The following NKAIN2 variants were observed in gnomAD, a reference collection of about 807,000 sequenced individuals.
The protein encoded by NKAIN2 is sodium/potassium-transporting ATPase subunit beta-1-interacting protein 2.
Under a neutral mutation model 32.6 loss-of-function variants are expected in NKAIN2, and 14 were observed. The observed-to-expected ratio is 0.43, with a 90% CI of 0.28 to 0.67. The LOEUF is 0.67. NKAIN2 is among the 30% of genes least tolerant of loss of function. The pLI, the probability that NKAIN2 is intolerant of heterozygous loss-of-function variation, is 0.17. For synonymous variants in NKAIN2, 80 were observed against 87.2 expected, an observed-to-expected ratio of 0.92 and a Z score of 0.46; for missense variants, 198 against 258.3, an observed-to-expected ratio of 0.77 and a Z score of 1.60.
At chr6:124,714,391 G>T (rs902969423) in intron 4 of NKAIN2, among the ~76,000 whole-genome samples, 6 of 152,186 alleles carry the variant, frequency 3.9e-5, no homozygotes, top group African/African-American at 1.4e-4. Context: ...TTATTTTCAA[G>T]GTTCCAATAA....
chr6:124,547,126 T>C (rs1028596946), intron 3 of NKAIN2, among the ~76,000 whole-genome samples: 4 of 152,206 alleles, frequency 2.6e-5, no homozygotes, highest in African/African-American at 9.6e-5. Context: ...CAGTTCCTTT[T>C]GGAATTAATT....
At chr6:123,866,398 C>T (rs1772514115) in intron 1 of NKAIN2, among the ~76,000 whole-genome samples, 1 of 152,148 alleles carries the variant, frequency 6.6e-6, no homozygotes, top group Non-Finnish European at 1.5e-5. Flanking sequence ...TCTAAGGAAA[C>T]AAGCTAGGAT....
At chr6:124,698,585 G>A (rs1473840969) in intron 4 of NKAIN2, among the ~76,000 whole-genome samples, 4 of 152,130 alleles carry the variant, frequency 2.6e-5, no homozygotes, top group Admixed American at 1.3e-4. Context: ...ATTTACAACC[G>A]ACTTACAATC....
At chr6:124,204,287 T>C (rs1049206439) in intron 1 of NKAIN2, among the ~76,000 whole-genome samples, 1 of 151,864 alleles carries the variant, frequency 6.6e-6, no homozygotes. Flanking sequence ...TTATTGAAAT[T>C]TGGTATAGGA....
At chr6:124,734,458 C>T (rs571026776) in intron 4 of NKAIN2, among the ~76,000 whole-genome samples, 2 of 133,768 alleles carry the variant, frequency 1.5e-5, no homozygotes, top group Admixed American at 1.6e-4. Flanking sequence ...TTTAAATGGT[C>T]CCTTACTACC....
intron 1 of NKAIN2, among the ~76,000 whole-genome samples, chr6:124,113,593 A>G (rs924821593): frequency 3.8e-4 from 58 of 152,230 alleles, no homozygotes; most frequent in African/African-American, 1.4e-3. Context: ...CTAGCAAGGC[A>G]AAGGCCAGTT....
At chr6:124,205,549 C>T (rs369594993) in intron 1 of NKAIN2, among the ~76,000 whole-genome samples, 1 of 151,484 alleles carries the variant, frequency 6.6e-6, no homozygotes, top group African/African-American at 2.4e-5. Context: ...TATCCTTTTA[C>T]CCAGTCATCA....
chr6:124,319,907 T>C (rs1481366673), intron 2 of NKAIN2, among the ~76,000 whole-genome samples: 2 of 152,138 alleles, frequency 1.3e-5, no homozygotes, highest in Non-Finnish European at 2.9e-5. Context: ...ATCATCCAGA[T>C]CATCAGGCAG....
chr6:123,968,983 G>A (rs1427265483), intron 1 of NKAIN2, among the ~76,000 whole-genome samples: 1 of 152,080 alleles, frequency 6.6e-6, no homozygotes, highest in Admixed American at 6.6e-5. Context: ...CTACTCTTCT[G>A]TAGTTTCCTC....
intron 1 of NKAIN2, among the ~76,000 whole-genome samples, chr6:123,821,079 T>A (rs1311709169): frequency 6.6e-6 from 1 of 152,232 alleles, no homozygotes; most frequent in Non-Finnish European, 1.5e-5. Context: ...GGGCTGTTGC[T>A]ATTGTGTTTT....
At chr6:124,491,730 T>C (rs1777870546) in intron 3 of NKAIN2, among the ~76,000 whole-genome samples, 1 of 151,876 alleles carries the variant, frequency 6.6e-6, no homozygotes, top group South Asian at 2.1e-4. Flanking sequence ...CTAGGTAAGT[T>C]GATACGATGT....
chr6:124,603,321 T>C (rs1487935686), intron 3 of NKAIN2, among the ~76,000 whole-genome samples: 2 of 151,984 alleles, frequency 1.3e-5, no homozygotes, highest in African/African-American at 4.8e-5. Flanking sequence ...TATTCTCATA[T>C]TTCTACTGTC....
intron 3 of NKAIN2, among the ~76,000 whole-genome samples, chr6:124,443,138 C>G (rs1775758225): frequency 6.6e-6 from 1 of 151,998 alleles, no homozygotes; most frequent in Non-Finnish European, 1.5e-5. Flanking sequence ...TGTCAGAGAC[C>G]ATTAGACCCC....
At chr6:124,266,724 A>G (rs1304900687) in intron 1 of NKAIN2, among the ~76,000 whole-genome samples, 1 of 152,244 alleles carries the variant, frequency 6.6e-6, no homozygotes, top group African/African-American at 2.4e-5. Context: ...GTTGCTTAGC[A>G]TAGTGAGGTA....
intron 1 of NKAIN2, among the ~76,000 whole-genome samples, chr6:124,149,191 A>G (rs1161811540): frequency 6.6e-6 from 1 of 152,078 alleles, no homozygotes; most frequent in African/African-American, 2.4e-5. Context: ...AGGGTGTTTT[A>G]TATATTCTGA....
At chr6:124,433,305 C>G (rs1460002834) in intron 3 of NKAIN2, among the ~76,000 whole-genome samples, 1 of 152,144 alleles carries the variant, frequency 6.6e-6, no homozygotes, top group East Asian at 1.9e-4. Flanking sequence ...GAAAAGAAAG[C>G]TAATGCTGTG....
chr6:124,557,725 G>T (rs1042061948), intron 3 of NKAIN2, among the ~76,000 whole-genome samples: 1 of 152,126 alleles, frequency 6.6e-6, no homozygotes, highest in Non-Finnish European at 1.5e-5. Context: ...CATAATTTAC[G>T]ATGCCTGACT....
intron 5 of NKAIN2, among the ~76,000 whole-genome samples, chr6:124,803,213 A>G (rs1780346782): frequency 6.6e-6 from 1 of 152,234 alleles, no homozygotes; most frequent in Non-Finnish European, 1.5e-5. Context: ...TCTATCAAAT[A>G]GAAACTTGAT....
At position 124,730,206 on chromosome 6, in the gene NKAIN2, C is replaced by A. The variant is rs1232493922; in HGVS notation, c.475-61133C>A. Among the ~76,000 whole-genome samples, 41 of 91,000 alleles carry A rather than the reference C, an allele frequency of 4.5e-4. 13 individuals carry two copies. In the East Asian group the frequency reaches 0.015, roughly 33 times the overall value. The allele number at this position is 91,000 out of a possible 152,430, so 59.7% of individuals were successfully genotyped here. A position where few individuals can be genotyped will look rare whatever the true frequency, so the allele number is the denominator to read the frequency against. ...CCTTTTTTCACAGAATTGGAAAAAA[C>A]TACTTTAAAGTTCATATGGAACCAA... On this transcript the variant is annotated intron_variant, in intron 4 of 6. Coordinates refer to ENST00000368417, the MANE Select transcript of NKAIN2 (RefSeq NM_001040214.3).
Sources: gnomAD v4.1 joint callset for allele counts (sites outside exome capture counted in the v4.1 genomes callset) on GRCh38, gnomAD v4.1.1 for gene constraint, MANE v1.5 for transcripts, NCBI Gene and HGNC (gene_info 2026-07-23, HGNC 2026-07-21) for gene names.